Variants in TTC3 observed in about 807,000 individuals in gnomAD.
TTC3 encodes the protein E3 ubiquitin-protein ligase TTC3.
A neutral mutation model predicts 249.6 loss-of-function variants in TTC3; 180 were observed. That is an observed-to-expected ratio of 0.72 (90% CI 0.64 to 0.82). TTC3 has a LOEUF of 0.82. TTC3 is among the 40% of genes least tolerant of loss of function. The pLI is 0.00. For synonymous variants in TTC3, 717 were observed against 805.0 expected (o/e 0.89, Z 1.85); for missense variants, 2,061 against 2,398.4 (o/e 0.86, Z 2.94).
intron 31 of TTC3, among the ~76,000 whole-genome samples, chr21:37,163,364 T>G: frequency 6.6e-6 from 1 of 152,216 alleles, no homozygotes. Context: ...AAAAAACTTT[T>G]GTTTAGATGG....
Position 37,127,083 on chromosome 21 carries a change from G to T in TTC3, c.1297+940G>T, listed in dbSNP as rs151249437. Among the ~76,000 whole-genome samples the T allele has an allele frequency of 1.0e-2, 1,517 of 152,242 alleles. 15 individuals carry two copies. The highest frequency in any genetic ancestry group is 0.03 in the East Asian group (154 of 5,176). ...CTGGCCAGGCTGGTCTCGAAATCTT[G>T]GCTTCAAGCAATCCTCTCGCCTTGG... On this transcript the variant is annotated intron_variant, in intron 15 of 45. Transcript: ENST00000355666.
chr21:37,195,824 GCT>G lies in TTC3; in HGVS notation c.5368_5369del (p.Leu1790ValfsTer10). 6.2e-7 allele frequency: 1 copy of G among 1,614,212 alleles called. No individual in the cohort carries two copies. The highest frequency in any genetic ancestry group is 8.5e-7 in the Non-Finnish European group (1 of 1,180,034). On this transcript the variant is annotated frameshift_variant, in exon 42 of 46. Transcript: ENST00000355666. LOFTEE classifies it high-confidence loss of function. The stretch of plus-strand genomic sequence containing the variant: ...ATTCCCCAGGGGAGGCTCCTTCTGC[GCT>G]GTTGCCAGGGCCACCCCCTGGTCAG...
chr21:37,156,312 C>T (rs116762264), intron 27 of TTC3, among the ~76,000 whole-genome samples: 3,811 of 152,112 alleles, frequency 0.025, 145 homozygotes, highest in African/African-American at 0.085. Flanking sequence ...GCTGGGGTTA[C>T]GGGCCTAAGC....
intron 1 of TTC3, among the ~76,000 whole-genome samples, chr21:37,077,379 GAA>G (rs2071042650): frequency 6.6e-6 from 1 of 152,028 alleles, no homozygotes; most frequent in African/African-American, 2.4e-5. Flanking sequence ...AAAAGAAAAA[GAA>G]AAGAGAAAGA....
chr21:37,134,172 C>A (rs746511818), intron 17 of TTC3, among the ~76,000 whole-genome samples: 1 of 152,028 alleles, frequency 6.6e-6, no homozygotes, highest in Non-Finnish European at 1.5e-5. Context: ...CCAGCAGAGG[C>A]CGGGTGCAGG....
At chr21:37,185,711 C>A in exon 37 of TTC3, 3 of 1,540,882 alleles carry the variant, frequency 1.9e-6, no homozygotes, top group South Asian at 1.3e-5. Context: ...TATAGGTATA[C>A]CCAGAAAAAT....
At chr21:37,101,879 C>T (rs992828628) in intron 10 of TTC3, among the ~76,000 whole-genome samples, 15 of 149,148 alleles carry the variant, frequency 1.0e-4, no homozygotes, top group Admixed American at 2.7e-4. Flanking sequence ...AATGGATTGC[C>T]TATGTAATCC....
Position 37,116,294 on chromosome 21 carries a change from A to G in TTC3, c.901-5523A>G, listed in dbSNP as rs147720543. Among the ~76,000 whole-genome samples, 226 of 152,320 alleles carry G rather than the reference A, an allele frequency of 1.5e-3. 2 individuals are homozygous for G. Among genetic ancestry groups the G allele is most frequent in the African/African-American group, 4.9e-3 (205 of 41,572 alleles). ...TAAAACATAGGCTGGAAAAATATCT[A>G]TCGAGTTCATGATAGTGTTTGCTTC... On this transcript the variant is annotated intron_variant, in intron 11 of 45. Transcript: ENST00000355666.
intron 14 of TTC3, 25 bp from the exon 15 acceptor site, chr21:37,126,055 T>TA: frequency 1.3e-6 from 2 of 1,573,764 alleles, no homozygotes; most frequent in Non-Finnish European, 1.7e-6. Context: ...TTTTTTTTTT[T>TA]AAGTCTCACT....
At chr21:37,138,781 C>T in intron 19 of TTC3, 67 bp downstream of exon 19, 2 of 1,142,188 alleles carry the variant, frequency 1.8e-6, no homozygotes, top group Admixed American at 4.3e-5. Flanking sequence ...AAATTATTTT[C>T]TCATTTTTAC....
chr21:37,128,921 T>A (rs2077249282), intron 15 of TTC3, 82 bp from the exon 16 acceptor site: 1 of 1,120,312 alleles, frequency 8.9e-7, no homozygotes, highest in African/African-American at 1.6e-5. Flanking sequence ...TTACTCCAAT[T>A]TATATTTTAA....
Position 37,188,730 on chromosome 21 carries a change from A to G in TTC3, c.5024+135A>G, listed in dbSNP as rs1310755938. The stretch of plus-strand genomic sequence containing the variant: ...TAATTGATACATGTTCAATTGTAGA[A>G]AAGTTAAGACATACAAACAAAAATG... On this transcript the variant is annotated intron_variant, in intron 39 of 45. Coordinates refer to ENST00000355666, the Ensembl canonical transcript of TTC3. 4 of 543,516 alleles carry G rather than the reference A, an allele frequency of 7.4e-6. No homozygotes were observed. In the Admixed American group the frequency reaches 1.4e-4, roughly 19 times the overall value. The allele number at this position is 543,516 out of a possible 1,614,324, so 33.7% of individuals were successfully genotyped here.
chr21:37,169,004 C>T (rs1363967955), intron 34 of TTC3, among the ~76,000 whole-genome samples: 3 of 152,126 alleles, frequency 2.0e-5, no homozygotes, highest in Admixed American at 1.3e-4. Flanking sequence ...CCTGCTTGAC[C>T]TCATGGGGCT....
chr21:37,199,930 A>G (rs961834828), intron 44 of TTC3, among the ~76,000 whole-genome samples: 5 of 152,252 alleles, frequency 3.3e-5, no homozygotes, highest in Non-Finnish European at 7.3e-5. Flanking sequence ...ACACCATGCC[A>G]TGTGATTATC....
In TTC3 at chr21:37,087,324, G is replaced by A. The variant is rs144830241; in HGVS notation, c.67G>A (p.Val23Met). The change falls in exon 2 of 46, where the codon GTG (valine) becomes ATG (methionine). Residue 23 changes from valine to methionine, a missense_variant. Physicochemically the swap from Val to Met is conservative, Grantham distance 21. Coordinates refer to ENST00000355666, the Ensembl canonical transcript of TTC3. ...TGCCTTGTTAGAAGATTGCCCTCAC[G>A]TGGATGATTGTGTCTTTGCTGCTGA... 37 of 1,613,944 alleles carry A rather than the reference G, an allele frequency of 2.3e-5. No homozygotes were observed. Among genetic ancestry groups the A allele is most frequent in the African/African-American group, 4.0e-5 (3 of 74,918 alleles).
chr21:37,184,434 G>A (rs1177143086), intron 36 of TTC3, among the ~76,000 whole-genome samples: 1 of 150,976 alleles, frequency 6.6e-6, no homozygotes. Flanking sequence ...TTAAAGATAA[G>A]CCACACGCTT....
chr21:37,087,333 T>C, exon 2 of TTC3: 1 of 1,614,064 alleles, frequency 6.2e-7, no homozygotes, highest in Non-Finnish European at 8.5e-7. Context: ...CGTGGATGAT[T>C]GTGTCTTTGC....
intron 10 of TTC3, chr21:37,101,225 A>G (rs1268745853): frequency 6.6e-6 from 1 of 152,214 alleles, no homozygotes; most frequent in Non-Finnish European, 1.5e-5. Context: ...TCAGATCCCA[A>G]CTGTGATTGG....
At chr21:37,191,278 G>GT (rs1224206889) in intron 39 of TTC3, 56 bp from the exon 40 acceptor site, 179 of 1,219,276 alleles carry the variant, frequency 1.5e-4, no homozygotes, top group Non-Finnish European at 2.0e-4. Context: ...TTATTTGACC[G>GT]TAAGTGCTTT....
Sources: allele counts gnomAD v4.1 joint callset (sites outside exome capture counted in the v4.1 genomes callset), GRCh38; gene constraint gnomAD v4.1.1; transcripts MANE v1.5; gene names NCBI Gene and HGNC (gene_info 2026-07-23, HGNC 2026-07-21).